The following FAM184A variants were observed in gnomAD, a reference collection of about 807,000 sequenced individuals.
FAM184A encodes the protein family with sequence similarity 184 member A, also known as protein FAM184A.
Under a neutral mutation model 143.8 loss-of-function variants are expected in FAM184A, and 99 were observed. The observed-to-expected ratio is 0.69, with a 90% confidence interval of 0.58 to 0.81. The LOEUF (loss-of-function observed/expected upper bound fraction) is 0.81. Among genes scored for constraint, FAM184A ranks in the 40% least tolerant of loss-of-function variants. The probability of loss-of-function intolerance (pLI) is 0.00; values close to 1 mark genes in which losing one functional copy is unlikely to be tolerated. For synonymous variants in FAM184A, 427 were observed against 446.4 expected (o/e 0.96, Z 0.55); for missense variants, 1,217 against 1,310.5 (o/e 0.93, Z 1.10).
intron 14 of FAM184A, among the ~76,000 whole-genome samples, chr6:118,973,603 A>T (rs956064167): frequency 6.6e-6 from 1 of 152,180 alleles, no homozygotes; most frequent in Non-Finnish European, 1.5e-5. Flanking sequence ...TGATTGGAAG[A>T]GGAGAGACTA....
intron 9 of FAM184A, among the ~76,000 whole-genome samples, chr6:118,983,016 A>T (rs1583781871): frequency 1.3e-5 from 2 of 152,234 alleles, no homozygotes; most frequent in African/African-American, 4.8e-5. Context: ...GTGCAGAAAG[A>T]TATGATCATG....
At chr6:119,129,609 A>G (rs753825339) in intron 1 of FAM184A, among the ~76,000 whole-genome samples, 1 of 151,988 alleles carries the variant, frequency 6.6e-6, no homozygotes, top group South Asian at 2.1e-4. Context: ...AGCCTTTAAC[A>G]TTCTTAATAC....
chr6:118,989,516 T>C (rs953982825), intron 9 of FAM184A, among the ~76,000 whole-genome samples: 1 of 152,094 alleles, frequency 6.6e-6, no homozygotes, highest in South Asian at 2.1e-4. Flanking sequence ...AATCTAAAGA[T>C]AGTTTTTATT....
At chr6:119,077,031 TTTATG>T (rs1460991833) in intron 1 of FAM184A, among the ~76,000 whole-genome samples, 1 of 152,234 alleles carries the variant, frequency 6.6e-6, no homozygotes, top group Non-Finnish European at 1.5e-5. Flanking sequence ...TTGTAGTCCT[TTTATG>T]TTATCTTTTC....
chr6:119,102,500 A>G (rs1788663279), intron 1 of FAM184A, among the ~76,000 whole-genome samples: 2 of 152,050 alleles, frequency 1.3e-5, no homozygotes, highest in Non-Finnish European at 2.9e-5. Flanking sequence ...TGAAAATATC[A>G]CTATAGGCTG....
intron 6 of FAM184A, among the ~76,000 whole-genome samples, chr6:119,007,590 GA>G (rs1283774167): frequency 6.6e-6 from 1 of 152,070 alleles, no homozygotes; most frequent in Non-Finnish European, 1.5e-5. Flanking sequence ...CACAGCAAAA[GA>G]ATTACCTGTT....
At chr6:119,143,392 C>T (rs958951764) in intron 1 of FAM184A, among the ~76,000 whole-genome samples, 1 of 152,186 alleles carries the variant, frequency 6.6e-6, no homozygotes, top group Non-Finnish European at 1.5e-5. Context: ...ATCCACTAAT[C>T]TATATCTCTG....
intron 11 of FAM184A, 102 bp downstream of exon 11, chr6:118,979,261 ACG>A (rs1023557999): frequency 1.8e-6 from 2 of 1,090,442 alleles, no homozygotes; most frequent in African/African-American, 3.2e-5. Flanking sequence ...ATTCATTTTG[ACG>A]TTTCAAAATT....
chr6:119,039,254 AAC>A (rs761521037), intron 1 of FAM184A, among the ~76,000 whole-genome samples: 3 of 152,212 alleles, frequency 2.0e-5, no homozygotes, highest in Non-Finnish European at 2.9e-5. Flanking sequence ...TATAAAACTA[AAC>A]ACATTCTTAT....
At chr6:119,115,288 A>C (rs1189070412) in intron 1 of FAM184A, among the ~76,000 whole-genome samples, 1 of 152,214 alleles carries the variant, frequency 6.6e-6, no homozygotes, top group Non-Finnish European at 1.5e-5. Context: ...TATTTTAGGC[A>C]CAGAGGAAAG....
At chr6:119,007,941 G>GA (rs556042292) in intron 6 of FAM184A, among the ~76,000 whole-genome samples, 2,834 of 121,642 alleles carry the variant, frequency 0.023, 18 homozygotes, top group Middle Eastern at 0.047. Flanking sequence ...TCTGCCTCAA[G>GA]AAAAAAAAAA....
At chr6:119,107,300 A>G (rs976202206) in intron 1 of FAM184A, among the ~76,000 whole-genome samples, 7 of 152,194 alleles carry the variant, frequency 4.6e-5, no homozygotes, top group African/African-American at 9.7e-5. Context: ...GAAAAAAAAG[A>G]CACTAGAAAA....
intron 1 of FAM184A, among the ~76,000 whole-genome samples, chr6:119,087,697 C>T (rs556605029): frequency 2.6e-5 from 4 of 152,248 alleles, no homozygotes; most frequent in African/African-American, 9.6e-5. Flanking sequence ...ATGCTGGTTC[C>T]TCAGAAAATT....
In FAM184A at chr6:119,134,082, T is replaced by C. The variant is rs766391932; in HGVS notation, c.-202+14996A>G. Among the ~76,000 whole-genome samples, 110 of 152,086 alleles carry C rather than the reference T, an allele frequency of 7.2e-4. 1 individual carries two copies. The highest frequency in any genetic ancestry group is 7.5e-4 in the Non-Finnish European group (51 of 67,990). ...CTAAAAATCAGGTCATCAAAAGACG[T>C]AATAATGAGAATAAAAAAGATAAAC... On this transcript the variant is annotated intron_variant, in intron 1 of 16. Coordinates refer to the FAM184A transcript ENST00000352896.
intron 1 of FAM184A, among the ~76,000 whole-genome samples, chr6:119,033,286 A>G (rs923157164): frequency 6.6e-6 from 1 of 152,176 alleles, no homozygotes; most frequent in Non-Finnish European, 1.5e-5. Context: ...AAATCCTTCC[A>G]TATTTTCTTA....
intron 9 of FAM184A, among the ~76,000 whole-genome samples, chr6:118,981,184 GAATA>G (rs1784009618): frequency 6.6e-6 from 1 of 152,026 alleles, no homozygotes; most frequent in Admixed American, 6.6e-5. Flanking sequence ...ATTTTGGGAA[GAATA>G]AAAACATAAA....
upstream of FAM184A, among the ~76,000 whole-genome samples, chr6:119,082,507 G>C (rs532519247): frequency 6.6e-6 from 1 of 152,372 alleles, no homozygotes; most frequent in African/African-American, 2.4e-5. Flanking sequence ...AGATACAATG[G>C]GGGTTCAGGC....
chr6:119,097,437 T>A (rs1788535000), intron 1 of FAM184A, among the ~76,000 whole-genome samples: 2 of 152,150 alleles, frequency 1.3e-5, no homozygotes. Context: ...GAAAAACAAA[T>A]GTCTTACTTC....
At position 118,984,449 on chromosome 6, in the gene FAM184A, A is replaced by G. The variant is rs557591692; in HGVS notation, c.2089-4099T>C. Among the ~76,000 whole-genome samples the G allele has an allele frequency of 1.1e-3, 160 of 151,902 alleles. 1 individual carries two copies. The highest frequency in any genetic ancestry group is 3.5e-3 in the African/African-American group (145 of 41,434). On this transcript the variant is annotated intron_variant, in intron 9 of 17. Coordinates refer to ENST00000338891, the MANE Select transcript of FAM184A (RefSeq NM_024581.6). ...TGCCTCAGTGTCTAAAAGTGCTGGG[A>G]TTACAGGCATGAGCCACTGTGCCCA...
Sources: allele counts gnomAD v4.1 joint callset (sites outside exome capture counted in the v4.1 genomes callset), GRCh38; gene constraint gnomAD v4.1.1; transcripts MANE v1.5; gene names NCBI Gene and HGNC (gene_info 2026-07-23, HGNC 2026-07-21).